ASTN1: variants seen among roughly 807,000 people sequenced by gnomAD.
The protein encoded by ASTN1 is astrotactin 1.
ASTN1 carries 41 observed loss-of-function variants against 140.7 expected under a neutral mutation model. The observed-to-expected ratio is 0.29, with a 90% CI of 0.23 to 0.38. The LOEUF (loss-of-function observed/expected upper bound fraction) is 0.38. Ranked by LOEUF, ASTN1 falls within the 10% of genes least tolerant of loss-of-function variation. The pLI is 1.00. For missense variants in ASTN1, 1,479 were observed against 1,678.8 expected (o/e 0.88, Z 2.08); for synonymous variants, 640 against 652.2 (o/e 0.98, Z 0.29).
At chr1:176,951,511 C>G (rs1672189266) in intron 11 of ASTN1, among the ~76,000 whole-genome samples, 1 of 152,194 alleles carries the variant, frequency 6.6e-6, no homozygotes. Context: ...TCTTTTATTC[C>G]CACCTCATAT....
chr1:177,072,414 C>G (rs896373892), intron 1 of ASTN1, among the ~76,000 whole-genome samples: 1 of 152,104 alleles, frequency 6.6e-6, no homozygotes, highest in Non-Finnish European at 1.5e-5. Context: ...GCCTTGGGCC[C>G]ATTTCTGTAG....
chr1:177,018,507 C>G (rs932898242), intron 7 of ASTN1, among the ~76,000 whole-genome samples: 4 of 152,190 alleles, frequency 2.6e-5, no homozygotes, highest in Admixed American at 6.5e-5. Flanking sequence ...TGGGTCTGGC[C>G]TATGGAAAGA....
chr1:177,069,774 C>A (rs1317235255), intron 1 of ASTN1, among the ~76,000 whole-genome samples: 7 of 151,934 alleles, frequency 4.6e-5, no homozygotes, highest in Non-Finnish European at 1.0e-4. Flanking sequence ...TTGCTTGTTC[C>A]TACCACAGTG....
Position 177,056,433 on chromosome 1 carries a change from T to C in ASTN1, c.471+4645A>G, listed in dbSNP as rs557842561. Among the ~76,000 whole-genome samples, 94 of 152,162 alleles carry C rather than the reference T, an allele frequency of 6.2e-4. 1 individual carries two copies. Among genetic ancestry groups the C allele is most frequent in the African/African-American group, 2.0e-3 (81 of 41,500 alleles). ...CCAGCAGTAGAAGGCCATGGGGGCC[T>C]CCAGATACTGGCCAAGGAGCCACAA... On this transcript the variant is annotated intron_variant, in intron 2 of 22. Transcript: ENST00000361833.
At chr1:176,955,328 C>G (rs1672356105) in intron 11 of ASTN1, among the ~76,000 whole-genome samples, 1 of 152,150 alleles carries the variant, frequency 6.6e-6, no homozygotes, top group Admixed American at 6.5e-5. Context: ...CCGATGCTCA[C>G]TGGAGATGGG....
chr1:176,972,138 G>T (rs762489566), intron 8 of ASTN1, among the ~76,000 whole-genome samples: 8 of 152,060 alleles, frequency 5.3e-5, no homozygotes, highest in Admixed American at 2.6e-4. Context: ...ACATAGAAAA[G>T]GTACAGTAAA....
chr1:177,058,809 CCACAAACATA>C lies in ASTN1; in HGVS notation c.471+2259_471+2268del, dbSNP rs541331096. Among the ~76,000 whole-genome samples the C allele has an allele frequency of 6.2e-4, 94 of 150,966 alleles. 2 individuals are homozygous for C. The East Asian group carries it at 0.016, about 26-fold the overall frequency. ...CATCCCCCCAGCAGTATACCCACCC[CCACAAACATA>C]CACAAACAAACACACACACACACAC... On this transcript the variant is annotated intron_variant, in intron 2 of 22. Coordinates refer to ENST00000361833, the MANE Select transcript of ASTN1 (RefSeq NM_004319.3).
chr1:177,061,241 A>T lies in ASTN1; in HGVS notation c.308T>A (p.Ile103Asn), dbSNP rs1312625837. The T allele has an allele frequency of 1.5e-5, 23 of 1,583,450 alleles. No individual in the cohort carries two copies. The highest frequency in any genetic ancestry group is 2.3e-5 in the East Asian group (1 of 43,228). Residue 103 changes from isoleucine (I) to asparagine (N), a missense_variant, in exon 2 of 23, where the codon ATC becomes AAC. Around this residue, in one of 3 missense-constraint regions of ASTN1, gnomAD observed 729 missense variants for 860.4 expected, o/e 0.85. Transcript: ENST00000361833. The stretch of plus-strand genomic sequence containing the variant: ...CTGCTGCCTCCAGCGCACCAAAGGG[A>T]TATCCTCTGTGTTCCCTGAGATCTC... Reference protein sequence around the residue: ...VLEISGNTEDIPLVRWRQQWL... With the variant: ...VLEISGNTEDNPLVRWRQQWL...
chr1:177,074,802 T>C (rs1298721797), intron 1 of ASTN1, among the ~76,000 whole-genome samples: 1 of 152,262 alleles, frequency 6.6e-6, no homozygotes, highest in South Asian at 2.1e-4. Flanking sequence ...TATTCATTAT[T>C]ACTTATTTTA....
At chr1:177,075,645 C>CTTTTTTTTTTTTTTTTTTTTTTTTTTTCT (rs5778927) in intron 1 of ASTN1, among the ~76,000 whole-genome samples, 1 of 99,548 alleles carries the variant, frequency 1.0e-5, no homozygotes, top group Non-Finnish European at 1.9e-5. Context: ...CTTTTCTTTT[C>CTTTTTTTTTTTTTTTTTTTTTTTTTTTCT]TTTTTTTTTT....
At chr1:177,098,003 T>G (rs1472160656) in intron 1 of ASTN1, among the ~76,000 whole-genome samples, 1 of 152,170 alleles carries the variant, frequency 6.6e-6, no homozygotes, top group African/African-American at 2.4e-5. Flanking sequence ...ATTTCTGAGT[T>G]GTACCCACAA....
In ASTN1 at chr1:177,023,577, G is replaced by T; in HGVS notation, c.1271-6C>A. 6.4e-7 allele frequency: 1 copy of T among 1,573,474 alleles called. No homozygotes were observed. The highest frequency in any genetic ancestry group is 8.6e-7 in the Non-Finnish European group (1 of 1,164,566). On this transcript the variant is annotated splice_region_variant and splice_polypyrimidine_tract_variant and intron_variant, in intron 6 of 22. Coordinates refer to ENST00000361833, the MANE Select transcript of ASTN1 (RefSeq NM_004319.3). ...CAGCAAGATGAAGCGGCTCCCTGCA[G>T]GGTGAGAGAAAGGAAGCATGCCTAT... is the stretch of plus-strand genomic sequence containing the variant.
intron 8 of ASTN1, among the ~76,000 whole-genome samples, chr1:176,998,920 T>G (rs1444887302): frequency 1.1e-4 from 16 of 152,214 alleles, no homozygotes; most frequent in Non-Finnish European, 1.5e-5. Flanking sequence ...GTACCAAACT[T>G]CCTTGTGCCT....
intron 1 of ASTN1, among the ~76,000 whole-genome samples, chr1:177,137,936 T>C (rs1235716229): frequency 6.6e-6 from 1 of 152,198 alleles, no homozygotes; most frequent in Non-Finnish European, 1.5e-5. Flanking sequence ...GGGTTCAGAA[T>C]GAGGTTAAAA....
intron 1 of ASTN1, among the ~76,000 whole-genome samples, chr1:177,148,375 G>A (rs140945680): frequency 0.022 from 3,250 of 149,690 alleles, 138 homozygotes; most frequent in African/African-American, 0.074. Context: ...CCGAGATCAC[G>A]CCACTGACCT....
intron 16 of ASTN1, among the ~76,000 whole-genome samples, chr1:176,922,305 C>T (rs952302627): frequency 1.3e-5 from 2 of 151,084 alleles, no homozygotes; most frequent in Non-Finnish European, 2.9e-5. Flanking sequence ...CCTGTGGAAC[C>T]AGCCGTGCAG....
intron 1 of ASTN1, among the ~76,000 whole-genome samples, chr1:177,093,791 T>C (rs1313513771): frequency 2.0e-5 from 3 of 152,212 alleles, no homozygotes; most frequent in African/African-American, 7.2e-5. Flanking sequence ...CATTTCCCAT[T>C]GATTAATGAT....
At chr1:177,037,370 C>A (rs1050935937) in intron 2 of ASTN1, among the ~76,000 whole-genome samples, 8 of 152,154 alleles carry the variant, frequency 5.3e-5, no homozygotes, top group Non-Finnish European at 1.0e-4. Flanking sequence ...GGATTCTCAG[C>A]TCCAAAAAGA....
At chr1:177,057,630 T>G (rs1183078322) in intron 2 of ASTN1, among the ~76,000 whole-genome samples, 2 of 152,256 alleles carry the variant, frequency 1.3e-5, no homozygotes, top group Non-Finnish European at 2.9e-5. Context: ...GATGTATTCA[T>G]GTTTCGATAA....
Sources: allele counts gnomAD v4.1 joint callset (sites outside exome capture counted in the v4.1 genomes callset), GRCh38; gene constraint gnomAD v4.1.1; regional missense constraint gnomAD v4.1.1; transcripts MANE v1.5; gene names NCBI Gene and HGNC (gene_info 2026-07-23, HGNC 2026-07-21).